ZNF215: variants seen among roughly 807,000 people sequenced by gnomAD.
ZNF215 encodes zinc finger protein 215, also known as BWSCR2-associated zinc finger protein 2.
In ZNF215, 24 loss-of-function variants were observed where a neutral mutation model predicts 27.2. The observed-to-expected ratio is 0.88, with a 90% CI of 0.64 to 1.24. The LOEUF (loss-of-function observed/expected upper bound fraction) is 1.24, where lower values mean the gene tolerates loss of function less well. Among genes scored for constraint, ZNF215 ranks in the 50% most tolerant of loss-of-function variants. The probability of loss-of-function intolerance (pLI) is 0.00; values close to 1 mark genes in which losing one functional copy is unlikely to be tolerated. For missense variants in ZNF215, 675 were observed against 605.7 expected (o/e 1.11, Z -1.20); for synonymous variants, 210 against 204.0 (o/e 1.03, Z -0.25).
chr11:6,927,451 A>G lies in ZNF215; in HGVS notation c.-325-211A>G, dbSNP rs956752264. Among the ~76,000 whole-genome samples, 12 of 152,046 alleles carry G rather than the reference A, an allele frequency of 7.9e-5. 1 individual carries two copies. The highest frequency in any genetic ancestry group is 2.9e-4 in the African/African-American group (12 of 41,410). ...TCACAGACAGTACCTTTTTTCCATA[A>G]TTAGCAGCTGTTCGAGTTCCTTGCG... On this transcript the variant is annotated intron_variant, in intron 1 of 6. Coordinates refer to ENST00000278319, the MANE Select transcript of ZNF215 (RefSeq NM_013250.4).
chr11:6,955,189 C>T (rs1002252496), intron 6 of ZNF215, among the ~76,000 whole-genome samples: 6 of 152,082 alleles, frequency 3.9e-5, no homozygotes, highest in African/African-American at 1.4e-4. Context: ...GTAATTGTGG[C>T]TGTATGGAAA....
intron 2 of ZNF215, among the ~76,000 whole-genome samples, chr11:6,930,860 C>T (rs941098521): frequency 6.6e-6 from 1 of 152,192 alleles, no homozygotes; most frequent in South Asian, 2.1e-4. Context: ...GATAGAAACT[C>T]ATGTATCTAT....
intron 5 of ZNF215, among the ~76,000 whole-genome samples, chr11:6,982,691 G>C (rs970592093): frequency 2.0e-5 from 3 of 151,864 alleles, no homozygotes; most frequent in African/African-American, 7.3e-5. Flanking sequence ...CAGAAATAAA[G>C]ATGTTCTTTG....
At position 6,956,139 on chromosome 11, in the gene ZNF215, T is replaced by G; in HGVS notation, c.1162T>G (p.Phe388Val). 2 of 1,613,856 alleles carry G rather than the reference T, an allele frequency of 1.2e-6. No homozygotes were observed. Among genetic ancestry groups the G allele is most frequent in the Non-Finnish European group, 8.5e-7 (1 of 1,180,002 alleles). Residue 388 changes from phenylalanine to valine, a missense_variant, in exon 7 of 7, where the codon TTC becomes GTC. Phe to Val is a conservative substitution (Grantham distance 50). Transcript: ENST00000278319. The stretch of plus-strand genomic sequence containing the variant: ...TGAATGTTATCAATGTGGGAAAGCC[T>G]TCTGCCGAAGTTCATCCCTTATTCG... ...SYECYQCGKA[F>V]CRSSSLIRHQ... is the part of the protein sequence containing the mutation.
rs538380996 is a variant in ZNF215 at position 6,957,953 on chromosome 11, G to T, written c.*1422G>T. On this transcript the variant is annotated 3_prime_UTR_variant, in exon 7 of 7. Transcript: ENST00000278319. ...CACACTGGAGACATTCCCAATTAAT[G>T]ATGATGGTAGCTTTTTGTGAAGGTT... 2.0e-6 allele frequency: 2 copies of T among 985,396 alleles called. No homozygotes were observed. Among genetic ancestry groups the T allele is most frequent in the East Asian group, 1.1e-4 (1 of 8,816 alleles). 61.0% of individuals were successfully genotyped at this position (985,396 alleles called of 1,614,324 possible).
intron 3 of ZNF215, among the ~76,000 whole-genome samples, chr11:6,933,631 CA>C (rs1021811503): frequency 1.1e-4 from 16 of 147,700 alleles, no homozygotes; most frequent in African/African-American, 1.7e-4. Flanking sequence ...ACTAAAAATA[CA>C]AAAAAAAAAT....
chr11:6,967,982 T>C (rs2346003), intron 5 of ZNF215, among the ~76,000 whole-genome samples: 34,176 of 152,048 alleles, frequency 0.22, 3,981 homozygotes, highest in Non-Finnish European at 0.25. Flanking sequence ...GGAAGGGGTC[T>C]AGTTTCAGTT....
chr11:6,953,337 C>G (rs953599330), intron 6 of ZNF215, among the ~76,000 whole-genome samples: 3 of 152,236 alleles, frequency 2.0e-5, no homozygotes, highest in Admixed American at 6.5e-5. Context: ...TGTTTTCTAA[C>G]TTGGTTCCAT....
chr11:6,953,660 C>G (rs549334206), intron 6 of ZNF215, among the ~76,000 whole-genome samples: 3 of 152,196 alleles, frequency 2.0e-5, no homozygotes, highest in African/African-American at 7.2e-5. Context: ...AAGTTTTCAC[C>G]TTCTTTGCCT....
chr11:6,988,176 A>G, downstream of ZNF215: 1 of 985,060 alleles, frequency 1.0e-6, no homozygotes, highest in Non-Finnish European at 1.2e-6. Context: ...CTTGTAGAGA[A>G]TTATACCCAT....
At chr11:6,982,078 A>T (rs555671493) in intron 5 of ZNF215, among the ~76,000 whole-genome samples, 1,551 of 152,036 alleles carry the variant, frequency 0.01, 30 homozygotes, top group African/African-American at 0.035. Context: ...CTTAGGATTG[A>T]CTTGGCGATG....
chr11:6,988,789 C>A (rs1490852465), downstream of ZNF215: 1 of 152,144 alleles, frequency 6.6e-6, no homozygotes, highest in Non-Finnish European at 1.5e-5. Context: ...GTTTTCACTA[C>A]AAAACACTCA....
In ZNF215 at chr11:6,956,227, A is replaced by T. The variant is rs769114870; in HGVS notation, c.1250A>T (p.Asn417Ile). Reference protein sequence around the residue: ...YKCSECGRFFNRRTNLTKHQK... With the variant: ...YKCSECGRFFIRRTNLTKHQK... The stretch of plus-strand genomic sequence containing the variant: ...TGCAGTGAATGTGGGAGATTCTTCA[A>T]CCGACGTACAAACCTTACTAAGCAT... The change falls in exon 7 of 7, where the codon AAC (asparagine) becomes ATC (isoleucine). Residue 417 changes from asparagine (N) to isoleucine (I), a missense_variant. Physicochemically the swap from Asn to Ile is moderately radical, Grantham distance 149. Transcript: ENST00000278319. The T allele has an allele frequency of 1.2e-6, 2 of 1,613,172 alleles. No homozygotes were observed. The highest frequency in any genetic ancestry group is 1.6e-4 in the Middle Eastern group (1 of 6,080).
chr11:6,927,422 C>G (rs557005961), intron 1 of ZNF215, among the ~76,000 whole-genome samples: 2 of 152,182 alleles, frequency 1.3e-5, no homozygotes, highest in South Asian at 2.1e-4. Flanking sequence ...AGAAATAACC[C>G]TCTTCACAGA....
chr11:6,938,308 A>C (rs1849507054), intron 3 of ZNF215, among the ~76,000 whole-genome samples: 1 of 152,012 alleles, frequency 6.6e-6, no homozygotes, highest in South Asian at 2.1e-4. Flanking sequence ...GGATGGCTAT[A>C]ATAATTACAA....
chr11:6,990,472 A>G (rs1851104279), downstream of ZNF215, among the ~76,000 whole-genome samples: 1 of 152,244 alleles, frequency 6.6e-6, no homozygotes, highest in African/African-American at 2.4e-5. Flanking sequence ...ATGCTTTGAA[A>G]GAATTCATTA....
chr11:6,942,219 T>C (rs1034540833), intron 4 of ZNF215, among the ~76,000 whole-genome samples: 2 of 152,214 alleles, frequency 1.3e-5, no homozygotes, highest in East Asian at 1.9e-4. Flanking sequence ...AGACAACTTA[T>C]TCATAAAGAC....
At position 6,976,784 on chromosome 11, in the gene ZNF215, C is replaced by T. The variant is rs1434476900; in HGVS notation, c.806-7345C>T. ...AGTATCTTGTTTGTGGAGAGAAATA[C>T]ACATGTATATGTTTTCTGTTTCTTC... On this transcript the variant is annotated intron_variant, in intron 5 of 5. Coordinates refer to the ZNF215 transcript ENST00000529903. 1.2e-4 allele frequency among the ~76,000 whole-genome samples: 18 copies of T among 152,166 alleles called. No individual in the cohort carries two copies. The East Asian group carries it at 3.5e-3, about 29-fold the overall frequency.
intron 5 of ZNF215, among the ~76,000 whole-genome samples, chr11:6,982,769 G>C (rs1053893190): frequency 4.0e-5 from 6 of 151,724 alleles, no homozygotes; most frequent in Non-Finnish European, 8.8e-5. Context: ...TGTGTAGAGG[G>C]AAACTTATAG....
Sources: allele counts gnomAD v4.1 joint callset (sites outside exome capture counted in the v4.1 genomes callset), GRCh38; gene constraint gnomAD v4.1.1; transcripts MANE v1.5; gene names NCBI Gene and HGNC (gene_info 2026-07-23, HGNC 2026-07-21).